Variants in CDC6 observed in about 807,000 individuals in gnomAD.
CDC6 encodes the protein DNA replication factor CDC6.
A neutral mutation model predicts 60.2 loss-of-function variants in CDC6; 46 were observed. The ratio of observed to expected loss-of-function variants is 0.76; its 90% CI spans 0.60 to 0.98. The LOEUF (loss-of-function observed/expected upper bound fraction) is 0.98, where lower values mean the gene tolerates loss of function less well. Ranked by LOEUF, CDC6 falls within the 50% of genes least tolerant of loss-of-function variation. The pLI, the probability that CDC6 is intolerant of heterozygous loss-of-function variation, is 0.00. For synonymous variants in CDC6, 210 were observed against 233.2 expected (o/e 0.90, Z 0.90); for missense variants, 596 against 652.9 (o/e 0.91, Z 0.95).
chr17:40,300,798 C>T lies in CDC6; in HGVS notation c.1250-30C>T, dbSNP rs756175521. 58 of 1,517,500 alleles carry T rather than the reference C, an allele frequency of 3.8e-5. 1 individual carries two copies. Among genetic ancestry groups the T allele is most frequent in the South Asian group, 3.4e-4 (30 of 89,050 alleles). 94.0% of individuals were successfully genotyped at this position (1,517,500 alleles called of 1,614,324 possible). ...TACACACACACAGTATTTTAGAAAT[C>T]GAATTAAGCTTGGCTTATTTACTTT... On this transcript the variant is annotated intron_variant, in intron 9 of 11. Coordinates refer to ENST00000209728, the MANE Select transcript of CDC6 (RefSeq NM_001254.4).
chr17:40,297,442 C>T (rs1433918123), intron 9 of CDC6, among the ~76,000 whole-genome samples: 1 of 152,100 alleles, frequency 6.6e-6, no homozygotes, highest in Non-Finnish European at 1.5e-5. Context: ...AACACATGGA[C>T]ACAGGGAGGG....
chr17:40,291,030 A>C, intron 2 of CDC6, 28 bp from the exon 3 acceptor site: 1 of 1,611,452 alleles, frequency 6.2e-7, no homozygotes, highest in Non-Finnish European at 8.5e-7. Flanking sequence ...GCTATGAGTG[A>C]CTACATTTTT....
At chr17:40,301,111 G>T in intron 10 of CDC6, 81 bp downstream of exon 10, 1 of 942,956 alleles carries the variant, frequency 1.1e-6, no homozygotes, top group South Asian at 1.3e-5. Flanking sequence ...AAAGGCCTAT[G>T]ATACTTCAGC....
chr17:40,291,738 T>G, intron 4 of CDC6, 70 bp downstream of exon 4: 1 of 1,398,100 alleles, frequency 7.2e-7, no homozygotes, highest in Non-Finnish European at 1.0e-6. Flanking sequence ...TGTTTGTTTG[T>G]TTTGTTTTGT....
Position 40,291,142 on chromosome 17 carries a change from C to T in CDC6, c.263C>T (p.Ser88Leu). ...AAGAAAGAGAATGGTCCCCCTCACTCACATACACTTAAGGGACGAAGATTG... is the reference window on the plus strand; with the variant it reads ...AAGAAAGAGAATGGTCCCCCTCACTTACATACACTTAAGGGACGAAGATTG... ...QGKKENGPPH[S>L]HTLKGRRLVF... The change falls in exon 3 of 12, where the codon TCA becomes TTA. Residue 88 changes from serine to leucine, a missense_variant. By Grantham distance (145) the Ser-to-Leu change is moderately radical. Coordinates refer to ENST00000209728, the MANE Select transcript of CDC6 (RefSeq NM_001254.4). 6.2e-7 allele frequency: 1 copy of T among 1,614,146 alleles called. No homozygotes were observed. Among genetic ancestry groups the T allele is most frequent in the South Asian group, 1.1e-5 (1 of 91,078 alleles).
chr17:40,294,795 G>A (rs1162327002), intron 7 of CDC6, among the ~76,000 whole-genome samples: 1 of 151,372 alleles, frequency 6.6e-6, no homozygotes, highest in African/African-American at 2.4e-5. Flanking sequence ...CGTGATCTCG[G>A]CTCTCTACAG....
chr17:40,300,799 G>T (rs899942464), intron 9 of CDC6, 29 bp from the exon 10 acceptor site: 2 of 1,528,364 alleles, frequency 1.3e-6, no homozygotes, highest in East Asian at 2.3e-5. Flanking sequence ...TTTAGAAATC[G>T]AATTAAGCTT....
chr17:40,291,599 C>G lies in CDC6; in HGVS notation c.591C>G (p.Ser197Arg), dbSNP rs1179609210. Reference protein sequence around the residue: ...REHICGKKAGSLYLSGAPGTG... With the variant: ...REHICGKKAGRLYLSGAPGTG... The stretch of plus-strand genomic sequence containing the variant: ...ACATCTGTGGGAAAAAAGCTGGAAG[C>G]CTTTACCTTTCTGGTGCTCCTGGAA... The change falls in exon 4 of 12, where the codon AGC (serine) becomes AGG (arginine). Residue 197 changes from serine (S) to arginine (R), a missense_variant. Coordinates refer to ENST00000209728, the MANE Select transcript of CDC6 (RefSeq NM_001254.4). 2 of 1,614,082 alleles carry G rather than the reference C, an allele frequency of 1.2e-6. No homozygotes were observed.
Position 40,295,467 on chromosome 17 carries a change from G to A in CDC6, c.1184+11G>A. 1 of 1,530,830 alleles carries A rather than the reference G, an allele frequency of 6.5e-7. No homozygotes were observed. The highest frequency in any genetic ancestry group is 9.1e-7 in the Non-Finnish European group (1 of 1,104,412). The allele number at this position is 1,530,830 out of a possible 1,614,324, so 94.8% of individuals were successfully genotyped here. A position where few individuals can be genotyped will look rare whatever the true frequency, so the allele number is the denominator to read the frequency against. Reference sequence around the variant, plus strand: ...ACTGGATGTTTGCAGGTGAGTTACGGCTCTGTTGCATTCTTTTATTAAAAA... The same window carrying A: ...ACTGGATGTTTGCAGGTGAGTTACGACTCTGTTGCATTCTTTTATTAAAAA... On this transcript the variant is annotated intron_variant, in intron 8 of 11. Transcript: ENST00000209728.
intron 2 of CDC6, among the ~76,000 whole-genome samples, chr17:40,290,612 C>T (rs947966689): frequency 6.6e-6 from 1 of 152,176 alleles, no homozygotes; most frequent in Admixed American, 6.5e-5. Context: ...TGGACGCCTG[C>T]AATCGAGGAC....
chr17:40,289,639 G>GAAAA, intron 2 of CDC6, 41 bp downstream of exon 2: 1 of 1,525,026 alleles, frequency 6.6e-7, no homozygotes, highest in Non-Finnish European at 9.1e-7. Flanking sequence ...AGCAGCTCGT[G>GAAAA]ACCTTTCTTT....
chr17:40,291,862 C>T (rs942801932), intron 4 of CDC6, among the ~76,000 whole-genome samples, 194 bp downstream of exon 4: 60 of 152,186 alleles, frequency 3.9e-4, no homozygotes, highest in African/African-American at 1.4e-3. Context: ...TCTCCTGCCT[C>T]AGCCTCCCGA....
Position 40,296,690 on chromosome 17 carries a change from AT to A in CDC6, c.1185-5del, listed in dbSNP as rs1413947203. 94 of 1,550,274 alleles carry A rather than the reference AT, an allele frequency of 6.1e-5. No homozygotes were observed. Among genetic ancestry groups the A allele is most frequent in the Non-Finnish European group, 7.4e-5 (83 of 1,122,286 alleles). ...GGCTCAGACTAAATTAATTTTAGAA[AT>A]TTTTTTTATAGGAGAGCTATTGAAA... On this transcript the variant is annotated splice_polypyrimidine_tract_variant and intron_variant, in intron 8 of 11. Coordinates refer to ENST00000209728, the MANE Select transcript of CDC6 (RefSeq NM_001254.4).
At chr17:40,293,423 A>G (rs1383747817) in intron 4 of CDC6, 33 bp from the exon 5 acceptor site, 8 of 1,595,354 alleles carry the variant, frequency 5.0e-6, no homozygotes, top group East Asian at 2.2e-5. Flanking sequence ...TCTGAGGCCA[A>G]AATAACTCCC....
intron 4 of CDC6, 27 bp from the exon 5 acceptor site, chr17:40,293,429 C>T: frequency 2.5e-6 from 4 of 1,599,676 alleles, no homozygotes; most frequent in Non-Finnish European, 3.4e-6. Flanking sequence ...GCCAAAATAA[C>T]TCCCATATTT....
intron 9 of CDC6, among the ~76,000 whole-genome samples, chr17:40,300,402 C>G (rs2032921940): frequency 6.6e-6 from 1 of 152,100 alleles, no homozygotes; most frequent in Non-Finnish European, 1.5e-5. Context: ...GAGGCTGAGG[C>G]AGGAGGATCA....
At chr17:40,292,416 A>T (rs1024025390) in intron 4 of CDC6, among the ~76,000 whole-genome samples, 7 of 149,438 alleles carry the variant, frequency 4.7e-5, no homozygotes, top group African/African-American at 1.7e-4. Flanking sequence ...GGATCACCTA[A>T]GGTCAGGAGT....
rs2032757903 is a variant in CDC6, at chr17:40,291,292, G to A, written c.413G>A (p.Cys138Tyr). 1.2e-6 allele frequency: 2 copies of A among 1,614,088 alleles called. No individual in the cohort carries two copies. The highest frequency in any genetic ancestry group is 1.7e-6 in the Non-Finnish European group (2 of 1,180,014). Reference sequence around the variant, plus strand: ...ATCACAACAAATTCTGAGCAGAGATGTCCACTGAAGAAAGAATCTGCATGT... The same window carrying A: ...ATCACAACAAATTCTGAGCAGAGATATCCACTGAAGAAAGAATCTGCATGT... ...QEITTNSEQRCPLKKESACVR... is the reference protein window; with the variant it reads ...QEITTNSEQRYPLKKESACVR... The change falls in exon 3 of 12, where the codon TGT becomes TAT. Residue 138 changes from cysteine (C) to tyrosine (Y), a missense_variant. Transcript: ENST00000209728.
At chr17:40,301,416 T>C in intron 10 of CDC6, 52 bp from the exon 11 acceptor site, 1 of 1,585,472 alleles carries the variant, frequency 6.3e-7, no homozygotes, top group Non-Finnish European at 8.7e-7. Flanking sequence ...GATTAAAGGC[T>C]ATAAGCAATG....
Sources: gnomAD v4.1 joint callset for allele counts (sites outside exome capture counted in the v4.1 genomes callset) on GRCh38, gnomAD v4.1.1 for gene constraint, MANE v1.5 for transcripts, NCBI Gene and HGNC (gene_info 2026-07-23, HGNC 2026-07-21) for gene names.